Variants in WDR27 observed in about 807,000 individuals in gnomAD.
The protein encoded by WDR27 is WD repeat-containing protein 27.
In WDR27, 100 loss-of-function variants were observed where a neutral mutation model predicts 114.4. That is an observed-to-expected ratio of 0.87 (90% confidence interval 0.74 to 1.03). The LOEUF is 1.03. Ranked by LOEUF, WDR27 falls within the 50% of genes least tolerant of loss-of-function variation. WDR27 has a pLI of 0.00. For missense variants in WDR27, 1,129 were observed against 1,092.9 expected (o/e 1.03, Z -0.47); for synonymous variants, 449 against 423.1 (o/e 1.06, Z -0.75).
At chr6:169,549,190 A>G (rs926189816) in intron 25 of WDR27, among the ~76,000 whole-genome samples, 9 of 152,230 alleles carry the variant, frequency 5.9e-5, no homozygotes, top group African/African-American at 2.4e-5. Flanking sequence ...ACAAAAGAAA[A>G]TAACCCGATA....
chr6:169,549,813 T>C (rs1584138372), intron 25 of WDR27, among the ~76,000 whole-genome samples: 1 of 152,288 alleles, frequency 6.6e-6, no homozygotes, highest in East Asian at 1.9e-4. Flanking sequence ...TATGATCTCC[T>C]GGAAAAGGCA....
intron 21 of WDR27, among the ~76,000 whole-genome samples, chr6:169,615,881 A>G (rs1345044194): frequency 6.6e-6 from 1 of 152,152 alleles, no homozygotes; most frequent in Non-Finnish European, 1.5e-5. Flanking sequence ...CAAACTATGC[A>G]TCTAACAAAG....
intron 25 of WDR27, among the ~76,000 whole-genome samples, chr6:169,565,103 C>T (rs940554898): frequency 2.6e-5 from 4 of 152,124 alleles, no homozygotes; most frequent in African/African-American, 9.7e-5. Context: ...AGTGCAGTCC[C>T]GCCACCTTGC....
intron 2 of WDR27, among the ~76,000 whole-genome samples, chr6:169,682,222 C>G (rs1454829818): frequency 1.3e-5 from 2 of 152,204 alleles, no homozygotes; most frequent in Non-Finnish European, 2.9e-5. Context: ...CTCCATCCCA[C>G]AGCAGATCCT....
At chr6:169,697,879 G>A (rs1013797364) in intron 1 of WDR27, among the ~76,000 whole-genome samples, 23 of 152,106 alleles carry the variant, frequency 1.5e-4, no homozygotes, top group Non-Finnish European at 2.5e-4. Context: ...GTGGTCCCCC[G>A]GGCCCAGCTG....
At chr6:169,627,388 A>G (rs1815119083) in intron 21 of WDR27, among the ~76,000 whole-genome samples, 1 of 152,222 alleles carries the variant, frequency 6.6e-6, no homozygotes, top group Non-Finnish European at 1.5e-5. Flanking sequence ...CCAACACAAC[A>G]TATTTTAAAA....
rs540935375 is a variant in WDR27 at position 169,660,356 on chromosome 6, T to C, written c.1129+307A>G. Among the ~76,000 whole-genome samples the C allele has an allele frequency of 3.4e-4, 52 of 152,254 alleles. No individual in the cohort carries two copies. In the South Asian group the frequency reaches 0.011, roughly 31 times the overall value. ...TAAGGATGGTGGAGAATCCAGGGGC[T>C]TCCCAAGGGTGTTCCTGCAGGTGTT... is the stretch of plus-strand genomic sequence containing the variant. On this transcript the variant is annotated intron_variant, in intron 10 of 25. Transcript: ENST00000448612.
chr6:169,662,546 C>T (rs1826501949), intron 8 of WDR27, 122 bp from the exon 9 acceptor site: 5 of 1,303,030 alleles, frequency 3.8e-6, no homozygotes, highest in South Asian at 2.8e-5. Flanking sequence ...ACTCGGATCA[C>T]GCGTCGAGGA....
At chr6:169,481,465 T>C (rs117753536) in intron 25 of WDR27, among the ~76,000 whole-genome samples, 4,860 of 152,330 alleles carry the variant, frequency 0.032, 106 homozygotes, top group Middle Eastern at 0.061. Flanking sequence ...CCTTCCACGC[T>C]GTGGAAACCT....
chr6:169,587,168 C>T (rs1330927684), intron 23 of WDR27, among the ~76,000 whole-genome samples: 1 of 150,860 alleles, frequency 6.6e-6, no homozygotes, highest in Non-Finnish European at 1.5e-5. Flanking sequence ...CTTACATCTG[C>T]ACTAAAAACC....
At chr6:169,484,928 C>T (rs1332131992) in intron 25 of WDR27, among the ~76,000 whole-genome samples, 1 of 152,154 alleles carries the variant, frequency 6.6e-6, no homozygotes, top group East Asian at 1.9e-4. Flanking sequence ...GGAAAGGACT[C>T]CCTATTCAAT....
chr6:169,696,381 CACAT>C (rs1368396334), intron 1 of WDR27, among the ~76,000 whole-genome samples: 2 of 152,318 alleles, frequency 1.3e-5, no homozygotes, highest in Admixed American at 6.5e-5. Flanking sequence ...ATCACATACA[CACAT>C]GCATGCACAC....
At chr6:169,596,986 T>C (rs1337178235) in intron 23 of WDR27, among the ~76,000 whole-genome samples, 1 of 152,200 alleles carries the variant, frequency 6.6e-6, no homozygotes, top group Non-Finnish European at 1.5e-5. Flanking sequence ...ATTGGGTGCA[T>C]ACAGGTTTAT....
In WDR27 at chr6:169,701,906, C is replaced by T; in HGVS notation, c.-363G>A. On this transcript the variant is annotated 5_prime_UTR_variant, in exon 1 of 26. Coordinates refer to ENST00000448612, the MANE Select transcript of WDR27 (RefSeq NM_182552.5). ...CGCCGACTCCGCGCCGAGACCAGCC[C>T]GCTAGGGGAGGACTCACAGCACCCA... 1 of 345,984 alleles carries T rather than the reference C, an allele frequency of 2.9e-6. No individual in the cohort carries two copies. The highest frequency in any genetic ancestry group is 3.8e-5 in the Admixed American group (1 of 26,050). The allele number at this position is 345,984 out of a possible 1,614,324, so 21.4% of individuals were successfully genotyped here. A position where few individuals can be genotyped will look rare whatever the true frequency, so the allele number is the denominator to read the frequency against.
intron 23 of WDR27, among the ~76,000 whole-genome samples, chr6:169,595,106 T>G (rs1262695202): frequency 1.3e-5 from 2 of 152,210 alleles, no homozygotes; most frequent in African/African-American, 4.8e-5. Context: ...TTCAAGCTCA[T>G]AGTAAGCCAT....
chr6:169,692,024 G>A (rs1258308336), intron 1 of WDR27, among the ~76,000 whole-genome samples: 1 of 152,114 alleles, frequency 6.6e-6, no homozygotes, highest in Non-Finnish European at 1.5e-5. Flanking sequence ...CCATGAGACA[G>A]GCAAAAAACT....
chr6:169,584,267 T>A lies in WDR27; in HGVS notation c.2425-1333A>T, dbSNP rs146884093. Among the ~76,000 whole-genome samples the A allele has an allele frequency of 2.0e-4, 31 of 152,338 alleles. 3 individuals carry two copies. The East Asian group carries it at 6.0e-3, about 29-fold the overall frequency. ...GGCAGGCTATACCGTTGTGTGTACA[T>A]GTGTGTACAGACATAGGCACACACA... is the stretch of plus-strand genomic sequence containing the variant. On this transcript the variant is annotated intron_variant, in intron 23 of 25. Transcript: ENST00000448612.
At chr6:169,657,536 G>A (rs1344634506) in intron 13 of WDR27, among the ~76,000 whole-genome samples, 4 of 152,210 alleles carry the variant, frequency 2.6e-5, no homozygotes, top group East Asian at 1.9e-4. Flanking sequence ...AAAGGCGGCT[G>A]CGGAAATGCC....
intron 23 of WDR27, among the ~76,000 whole-genome samples, chr6:169,583,540 C>G (rs1301271448): frequency 2.1e-5 from 3 of 144,650 alleles, no homozygotes; most frequent in African/African-American, 7.7e-5. Context: ...CACACACACA[C>G]ATAAAATTCT....
Sources: gnomAD v4.1 joint callset for allele counts (sites outside exome capture counted in the v4.1 genomes callset) on GRCh38, gnomAD v4.1.1 for gene constraint, MANE v1.5 for transcripts, NCBI Gene and HGNC (gene_info 2026-07-23, HGNC 2026-07-21) for gene names.